LONP1: variants seen among roughly 807,000 people sequenced by gnomAD.
LONP1 encodes lon protease homolog, mitochondrial.
In LONP1, 31 loss-of-function variants were observed where a neutral mutation model predicts 98.5. The observed-to-expected ratio is 0.31, with a 90% CI of 0.24 to 0.42. The LOEUF is 0.42. Ranked by LOEUF, LONP1 falls within the 20% of genes least tolerant of loss-of-function variation. The probability of loss-of-function intolerance (pLI) is 1.00; values close to 1 mark genes in which losing one functional copy is unlikely to be tolerated. For synonymous variants in LONP1, 781 were observed against 594.7 expected, an observed-to-expected ratio of 1.31 and a Z score of -4.56; for missense variants, 1,336 against 1,350.6, an observed-to-expected ratio of 0.99 and a Z score of 0.17.
intron 5 of LONP1, 197 bp from the exon 6 acceptor site, chr19:5,708,023 C>T: frequency 3.0e-6 from 2 of 656,624 alleles, no homozygotes; most frequent in Non-Finnish European, 5.1e-6. Flanking sequence ...GAAAGGCATG[C>T]AGCATCCTCA....
intron 11 of LONP1, 22 bp from the exon 12 acceptor site, chr19:5,696,393 G>C: frequency 6.2e-7 from 1 of 1,609,798 alleles, no homozygotes; most frequent in Non-Finnish European, 8.5e-7. Context: ...GACAGCAGGT[G>C]GTGCCCCTCG....
Position 5,709,564 on chromosome 19 carries a change from C to A in LONP1, c.871-1161G>T, listed in dbSNP as rs1375540893. Among the ~76,000 whole-genome samples the A allele has an allele frequency of 2.0e-5, 3 of 151,918 alleles. No homozygotes were observed. In the East Asian group the frequency reaches 5.8e-4, roughly 29 times the overall value. ...TTGACGCTGAACTGTCTGAGCTGAC[C>A]CTGGTAGAAGGCACCAGAACAGGCC... On this transcript the variant is annotated intron_variant, in intron 4 of 17. Transcript: ENST00000360614.
chr19:5,708,767 A>G (rs1249959463), intron 4 of LONP1: 1 of 185,604 alleles, frequency 5.4e-6, no homozygotes, highest in African/African-American at 2.3e-5. Flanking sequence ...TAATCCAAGC[A>G]CTTTGGGAGG....
chr19:5,708,631 T>G, intron 4 of LONP1: 2 of 537,188 alleles, frequency 3.7e-6, no homozygotes, highest in Non-Finnish European at 6.8e-6. Context: ...AACCAAACCC[T>G]GTCTCCTTAC....
chr19:5,716,208 T>C (rs893906531), intron 1 of LONP1, among the ~76,000 whole-genome samples: 6 of 146,562 alleles, frequency 4.1e-5, no homozygotes, highest in Admixed American at 1.4e-4. Flanking sequence ...CCCATCTCTA[T>C]TTTCTTTTTG....
chr19:5,698,805 G>T (rs1285153275), intron 10 of LONP1, among the ~76,000 whole-genome samples: 1 of 152,238 alleles, frequency 6.6e-6, no homozygotes, highest in African/African-American at 2.4e-5. Context: ...CTCTCCCAGG[G>T]GTCAAGCCAT....
At chr19:5,700,108 A>T (rs1309619554) in intron 9 of LONP1, among the ~76,000 whole-genome samples, 3 of 151,554 alleles carry the variant, frequency 2.0e-5, no homozygotes, top group Non-Finnish European at 4.4e-5. Flanking sequence ...CAGGCTAATT[A>T]AAAAAAATTT....
intron 13 of LONP1, 112 bp downstream of exon 13, chr19:5,695,942 T>C: frequency 1.1e-6 from 1 of 881,398 alleles, no homozygotes; most frequent in Non-Finnish European, 1.7e-6. Context: ...CGGCCGCAGG[T>C]CCCACCTGTC....
chr19:5,712,027 G>C (rs745364731), intron 3 of LONP1, 25 bp from the exon 4 acceptor site: 13 of 1,588,418 alleles, frequency 8.2e-6, no homozygotes, highest in African/African-American at 2.7e-5. Context: ...AGGCAGGTGT[G>C]AATCAGCCGC....
At chr19:5,695,014 G>A in intron 13 of LONP1, 113 bp from the exon 14 acceptor site, 1 of 1,257,844 alleles carries the variant, frequency 8.0e-7, no homozygotes, top group Non-Finnish European at 1.1e-6. Flanking sequence ...CTGGGAACGA[G>A]GTCCCTGATG....
intron 8 of LONP1, among the ~76,000 whole-genome samples, chr19:5,702,631 AAAG>A (rs765528336): frequency 2.0e-4 from 31 of 152,256 alleles, no homozygotes; most frequent in Non-Finnish European, 4.0e-4. Context: ...GTCTGTGTAG[AAAG>A]AAGTAGACAT....
At chr19:5,707,936 C>A in intron 5 of LONP1, 110 bp from the exon 6 acceptor site, 1 of 1,325,808 alleles carries the variant, frequency 7.5e-7, no homozygotes, top group Non-Finnish European at 1.0e-6. Context: ...TAGCTATGGG[C>A]ACGGTCTAGG....
At chr19:5,706,560 T>C (rs928023116) in intron 7 of LONP1, among the ~76,000 whole-genome samples, 2 of 152,110 alleles carry the variant, frequency 1.3e-5, no homozygotes, top group Middle Eastern at 3.4e-3. Context: ...TGAGCTGAGA[T>C]TGCGCCATTG....
At chr19:5,698,965 A>G in intron 10 of LONP1, 62 bp downstream of exon 10, 1 of 1,499,836 alleles carries the variant, frequency 6.7e-7, no homozygotes, top group South Asian at 1.3e-5. Flanking sequence ...TGACCGGAGA[A>G]GACGAAGCCC....
At chr19:5,715,480 A>G (rs1012774812) in intron 1 of LONP1, among the ~76,000 whole-genome samples, 1 of 150,800 alleles carries the variant, frequency 6.6e-6, no homozygotes, top group African/African-American at 2.4e-5. Flanking sequence ...CGTCTCTACT[A>G]AAAATACAAA....
At chr19:5,701,947 C>A (rs943853062) in intron 8 of LONP1, among the ~76,000 whole-genome samples, 11 of 151,446 alleles carry the variant, frequency 7.3e-5, no homozygotes, top group Non-Finnish European at 1.6e-4. Flanking sequence ...GCCGCGACCC[C>A]GTCTGGGAGG....
chr19:5,718,926 G>A (rs552650755), intron 1 of LONP1, among the ~76,000 whole-genome samples: 31 of 152,212 alleles, frequency 2.0e-4, no homozygotes, highest in African/African-American at 7.0e-4. Context: ...AGAACACACT[G>A]AATAACCCAC....
intron 4 of LONP1, among the ~76,000 whole-genome samples, chr19:5,711,056 A>G (rs1342215161): frequency 6.6e-6 from 1 of 151,384 alleles, no homozygotes; most frequent in African/African-American, 2.4e-5. Context: ...AAAACCTCGC[A>G]GGGGTAGTGG....
chr19:5,709,891 G>A (rs1317479406), intron 4 of LONP1, among the ~76,000 whole-genome samples: 23 of 117,930 alleles, frequency 2.0e-4, no homozygotes, highest in Non-Finnish European at 2.9e-4. Context: ...CAGCCTGGGC[G>A]ACAGAGGCTC....
Sources: allele counts gnomAD v4.1 joint callset (sites outside exome capture counted in the v4.1 genomes callset), GRCh38; gene constraint gnomAD v4.1.1; transcripts MANE v1.5; gene names NCBI Gene and HGNC (gene_info 2026-07-23, HGNC 2026-07-21).